Variants in LMNA observed in about 807,000 individuals in gnomAD.
The protein encoded by LMNA is lamin.
In LMNA, 20 loss-of-function variants were observed where a neutral mutation model predicts 70.4. The observed-to-expected ratio is 0.28, with a 90% CI of 0.20 to 0.41. The LOEUF (loss-of-function observed/expected upper bound fraction) is 0.41. Among genes scored for constraint, LMNA ranks in the 10% least tolerant of loss-of-function variants. The pLI, the probability that LMNA is intolerant of heterozygous loss-of-function variation, is 1.00. For synonymous variants in LMNA, 339 were observed against 372.8 expected, an observed-to-expected ratio of 0.91 and a Z score of 1.04; for missense variants, 652 against 917.2, an observed-to-expected ratio of 0.71 and a Z score of 3.73.
At chr1:156,117,744 G>A (rs149000472) in intron 1 of LMNA, among the ~76,000 whole-genome samples, 2 of 152,192 alleles carry the variant, frequency 1.3e-5, no homozygotes, top group African/African-American at 4.8e-5. Context: ...GTTGCCCACA[G>A]TCTTGAACTC....
intron 3 of LMNA, among the ~76,000 whole-genome samples, chr1:156,106,029 G>A (rs1649322659): frequency 6.6e-6 from 1 of 152,118 alleles, no homozygotes; most frequent in South Asian, 2.1e-4. Flanking sequence ...CAGGTACTAG[G>A]GAGGCTGAGG....
rs1014952861 is a variant in LMNA, at chr1:156,115,387, C to G, written c.356+113C>G. The G allele has an allele frequency of 2.1e-6, 2 of 938,328 alleles. No individual in the cohort carries two copies. The highest frequency in any genetic ancestry group is 3.3e-5 in the African/African-American group (2 of 61,484). 58.1% of individuals were successfully genotyped at this position (938,328 alleles called of 1,614,324 possible). A position where few individuals can be genotyped will look rare whatever the true frequency, so the allele number is the denominator to read the frequency against. On this transcript the variant is annotated intron_variant, in intron 1 of 11. Coordinates refer to ENST00000368300, the MANE Select transcript of LMNA (RefSeq NM_170707.4). The surrounding 1 kb of genome is among the most constrained non-coding windows in gnomAD (Gnocchi z 5.8). ...GAGGGCCTGGAGGCCGATAACTTTG[C>G]CATAGTCTCCTCCCTCCCCGGAACT...
rs1303965269 is a variant in LMNA at position 156,136,344 on chromosome 1, T to G, written c.1288T>G (p.Phe430Val). Reference sequence around the variant, plus strand: ...GGAGTCCACTGAGAGCCGCAGCAGCTTCTCACAGCACGCACGCACTAGCGG... The same window carrying G: ...GGAGTCCACTGAGAGCCGCAGCAGCGTCTCACAGCACGCACGCACTAGCGG... ...KLESTESRSS[F>V]SQHARTSGRV... Residue 430 changes from phenylalanine to valine, a missense_variant, in exon 7 of 12, where the codon TTC (phenylalanine) becomes GTC (valine). By Grantham distance (50) the Phe-to-Val change is conservative (BLOSUM62 -1). Around this residue, in one of 4 missense-constraint regions of LMNA, gnomAD observed 327 missense variants for 387.6 expected, o/e 0.84. Coordinates refer to ENST00000368300, the MANE Select transcript of LMNA (RefSeq NM_170707.4). This position sits in a 1 kb window ranked among gnomAD's most constrained non-coding sequence, Gnocchi z 6.1. The G allele has an allele frequency of 6.2e-7, 1 of 1,612,310 alleles. No individual in the cohort carries two copies. The highest frequency in any genetic ancestry group is 1.3e-5 in the African/African-American group (1 of 75,014).
Position 156,138,601 on chromosome 1 carries a change from A to T in LMNA, c.1812A>T (p.Gly604=), listed in dbSNP as rs775835223. Residue 604 remains glycine (G), a synonymous_variant, in exon 11 of 12, where the codon GGA becomes GGT. Transcript: ENST00000368300. This position sits in a 1 kb window ranked among gnomAD's most constrained non-coding sequence, Gnocchi z 5.5. The part of the protein sequence containing the change: ...PADKASASGS[G]AQVGGPISSG... ...ACAAGGCATCTGCCAGCGGCTCAGG[A>T]GCCCAGGTGGGCGGACCCATCTCCT... 8 of 1,613,014 alleles carry T rather than the reference A, an allele frequency of 5.0e-6. No homozygotes were observed. The highest frequency in any genetic ancestry group is 5.9e-6 in the Non-Finnish European group (7 of 1,179,852).
intron 1 of LMNA, chr1:156,126,122 G>A (rs1572346022): frequency 1.1e-5 from 16 of 1,483,330 alleles, no homozygotes; most frequent in Non-Finnish European, 1.4e-5. Flanking sequence ...GCCACAGGGG[G>A]CGATGTTCCT....
chr1:156,107,815 C>CT lies in LMNA; in HGVS notation c.-206-6889dup, dbSNP rs1033718407. Among the ~76,000 whole-genome samples, 13 of 145,940 alleles carry CT rather than the reference C, an allele frequency of 8.9e-5. No homozygotes were observed. In the East Asian group the frequency reaches 1.6e-3, roughly 18 times the overall value. On this transcript the variant is annotated intron_variant, in intron 3 of 12. Transcript: ENST00000368301. ...TTGTTGTTTTTTTTTTCTTTTTTTT[C>CT]TTTTTTTTTGAGATGGAGTCTCACT... is the stretch of plus-strand genomic sequence containing the variant.
intron 3 of LMNA, among the ~76,000 whole-genome samples, chr1:156,098,624 C>CT (rs1649031130): frequency 6.6e-6 from 1 of 152,112 alleles, no homozygotes; most frequent in South Asian, 2.1e-4. Flanking sequence ...AATCACTTAC[C>CT]TTTTCTGAGC....
Position 156,138,084 on chromosome 1 carries a change from G to C in LMNA, c.1698+341G>C. 1 of 536,068 alleles carries C rather than the reference G, an allele frequency of 1.9e-6. No homozygotes were observed. Among genetic ancestry groups the C allele is most frequent in the East Asian group, 3.3e-5 (1 of 30,426 alleles). 33.2% of individuals were successfully genotyped at this position (536,068 alleles called of 1,614,324 possible). A position where few individuals can be genotyped will look rare whatever the true frequency, so the allele number is the denominator to read the frequency against. On this transcript the variant is annotated intron_variant, in intron 10 of 11. Transcript: ENST00000368300. The surrounding 1 kb of genome is among the most constrained non-coding windows in gnomAD (Gnocchi z 5.5). ...CGCCCTGCCTCTCTCCCCCATTCTTGTTGCATGCATATCCTCTCATTTCCC... is the reference window on the plus strand; with the variant it reads ...CGCCCTGCCTCTCTCCCCCATTCTTCTTGCATGCATATCCTCTCATTTCCC...
rs191681775 is a variant in LMNA at position 156,137,923 on chromosome 1, G to A, written c.1698+180G>A. 1.7e-4 allele frequency: 222 copies of A among 1,318,816 alleles called. 1 individual carries two copies. Among genetic ancestry groups the A allele is most frequent in the Middle Eastern group, 2.7e-4 (1 of 3,762 alleles). The allele number at this position is 1,318,816 out of a possible 1,614,324, so 81.7% of individuals were successfully genotyped here. ...CCTATACCTTGAACAGGGAACCCAG[G>A]TGTCTGGGTGCCCTACTCTGGTAAG... On this transcript the variant is annotated intron_variant, in intron 10 of 11. Transcript: ENST00000368300. The surrounding 1 kb of genome is among the most constrained non-coding windows in gnomAD (Gnocchi z 4.6).
chr1:156,139,013 C>T, intron 11 of LMNA, 67 bp from the exon 12 acceptor site: 1 of 1,547,832 alleles, frequency 6.5e-7, no homozygotes, highest in Non-Finnish European at 8.9e-7. Context: ...CTTCTAGGGG[C>T]CAGGGGAGGG....
At chr1:156,086,867 G>A (rs552509319) in intron 2 of LMNA, among the ~76,000 whole-genome samples, 1 of 152,316 alleles carries the variant, frequency 6.6e-6, no homozygotes, top group East Asian at 1.9e-4. Context: ...TCAAACTCCT[G>A]ACCTCAGGTG....
chr1:156,138,556 G>A lies in LMNA; in HGVS notation c.1767G>A (p.Gly589=). The A allele has an allele frequency of 6.2e-7, 1 of 1,612,584 alleles. No individual in the cohort carries two copies. Among genetic ancestry groups the A allele is most frequent in the Non-Finnish European group, 8.5e-7 (1 of 1,179,780 alleles). ...YNLRSRTVLC[G]TCGQPADKAS... is the part of the protein sequence containing the mutation. Reference sequence around the variant, plus strand: ...TGCGCTCGCGCACCGTGCTGTGCGGGACCTGCGGGCAGCCTGCCGACAAGG... The same window carrying A: ...TGCGCTCGCGCACCGTGCTGTGCGGAACCTGCGGGCAGCCTGCCGACAAGG... Residue 589 remains glycine (G), a synonymous_variant, in exon 11 of 12, where the codon GGG becomes GGA. Coordinates refer to ENST00000368300, the MANE Select transcript of LMNA (RefSeq NM_170707.4). The surrounding 1 kb of genome is among the most constrained non-coding windows in gnomAD (Gnocchi z 5.5).
chr1:156,097,899 G>A (rs114287324), intron 3 of LMNA, among the ~76,000 whole-genome samples: 98 of 152,290 alleles, frequency 6.4e-4, no homozygotes, highest in South Asian at 1.9e-3. Context: ...CTCCCCCACC[G>A]TTTTCTCTCT....
At position 156,114,954 on chromosome 1, in the gene LMNA, CG is replaced by C; in HGVS notation, c.40del (p.Ala14ArgfsTer82). ...TPSQRRATRS[G>X]AQASSTPLSP... ...CGTCCCAGCGGCGCGCCACCCGCAG[CG>C]GGGCGCAGGCCAGCTCCACTCCGCT... On this transcript the variant is annotated frameshift_variant, in exon 1 of 12. Transcript: ENST00000368300. LOFTEE classifies it high-confidence loss of function. 6.3e-7 allele frequency: 1 copy of C among 1,575,900 alleles called. No homozygotes were observed.
rs146002737 is a variant in LMNA at position 156,102,519 on chromosome 1, T to C, written c.-207+11937T>C. On this transcript the variant is annotated intron_variant, in intron 3 of 12. Transcript: ENST00000368301. ...TGGTTTAGGTGGTGTGAATGAACCCTTCCATCTCCACCCTCGAGAGAGCTG... is the reference window on the plus strand; with the variant it reads ...TGGTTTAGGTGGTGTGAATGAACCCCTCCATCTCCACCCTCGAGAGAGCTG... 1.3e-3 allele frequency among the ~76,000 whole-genome samples: 191 copies of C among 152,296 alleles called. 1 individual carries two copies. The highest frequency in any genetic ancestry group is 4.4e-3 in the African/African-American group (182 of 41,568).
chr1:156,110,695 G>T (rs1649502170), upstream of LMNA, among the ~76,000 whole-genome samples: 2 of 151,664 alleles, frequency 1.3e-5, no homozygotes, highest in South Asian at 4.2e-4. Flanking sequence ...AAATAAAGAG[G>T]CTGGGTGCGG....
intron 3 of LMNA, chr1:156,093,675 T>C (rs537055930): frequency 6.6e-6 from 1 of 152,382 alleles, no homozygotes; most frequent in South Asian, 2.1e-4. Flanking sequence ...TCATGCTCTA[T>C]TGTAACTGTA....
At chr1:156,106,370 T>C (rs1649345916) in intron 3 of LMNA, among the ~76,000 whole-genome samples, 1 of 152,330 alleles carries the variant, frequency 6.6e-6, no homozygotes, top group South Asian at 2.1e-4. Context: ...CTTCTGTTTG[T>C]TTCCTTGGCA....
At position 156,135,389 on chromosome 1, in the gene LMNA, G is replaced by T. The variant is rs529699664; in HGVS notation, c.936+77G>T. 2.1e-6 allele frequency: 3 copies of T among 1,451,204 alleles called. No individual in the cohort carries two copies. The highest frequency in any genetic ancestry group is 2.4e-5 in the South Asian group (2 of 82,322). The allele number at this position is 1,451,204 out of a possible 1,614,324, so 89.9% of individuals were successfully genotyped here. The stretch of plus-strand genomic sequence containing the variant: ...GCAGGCTGGAAGCCCAGGGTTGGGG[G>T]TGGGGGTGGGGGTGGGAGGTTCCTG... On this transcript the variant is annotated intron_variant, in intron 5 of 11. Coordinates refer to ENST00000368300, the MANE Select transcript of LMNA (RefSeq NM_170707.4). This position sits in a 1 kb window ranked among gnomAD's most constrained non-coding sequence, Gnocchi z 4.8.
Sources: allele counts gnomAD v4.1 joint callset (sites outside exome capture counted in the v4.1 genomes callset), GRCh38; gene constraint gnomAD v4.1.1; regional missense constraint gnomAD v4.1.1; non-coding constraint Gnocchi (gnomAD v3.1); transcripts MANE v1.5; gene names NCBI Gene and HGNC (gene_info 2026-07-23, HGNC 2026-07-21).